SMCHD1: variants seen among roughly 807,000 people sequenced by gnomAD.
SMCHD1 encodes the protein structural maintenance of chromosomes flexible hinge domain containing 1.
In SMCHD1, 78 loss-of-function variants were observed where a neutral mutation model predicts 254.7. The observed-to-expected ratio is 0.31, with a 90% CI of 0.26 to 0.37. The LOEUF (loss-of-function observed/expected upper bound fraction) is 0.37. Ranked by LOEUF, SMCHD1 falls within the 10% of genes least tolerant of loss-of-function variation. The pLI is 1.00. For missense variants in SMCHD1, 1,840 were observed against 2,408.1 expected, an observed-to-expected ratio of 0.76 and a Z score of 4.94; for synonymous variants, 766 against 794.9, an observed-to-expected ratio of 0.96 and a Z score of 0.61.
rs2075950490 is a variant in SMCHD1 at position 2,770,089 on chromosome 18, G to A, written c.4947G>A (p.Gln1649=). ...MYKSLFEASQ[Q]LLNEMKCQVE... ...AAAGTTTATTTGAAGCCAGCCAACAGCTTCTTAATGAAATGAAATGTAAGT... is the reference window on the plus strand; with the variant it reads ...AAAGTTTATTTGAAGCCAGCCAACAACTTCTTAATGAAATGAAATGTAAGT... The change falls in exon 39 of 48, where the codon CAG becomes CAA. Residue 1649 remains glutamine (Q), a synonymous_variant. Coordinates refer to ENST00000320876, the MANE Select transcript of SMCHD1 (RefSeq NM_015295.3). The A allele has an allele frequency of 6.3e-7, 1 of 1,596,414 alleles. No homozygotes were observed. Among genetic ancestry groups the A allele is most frequent in the Admixed American group, 1.8e-5 (1 of 54,324 alleles).
At chr18:2,707,692 G>A in intron 16 of SMCHD1, 47 bp downstream of exon 16, 9 of 1,491,196 alleles carry the variant, frequency 6.0e-6, no homozygotes, top group Non-Finnish European at 8.3e-6. Context: ...CTTTTCTTTT[G>A]TCTTACATTT....
At chr18:2,778,347 T>G in intron 44 of SMCHD1, 108 bp downstream of exon 44, 1 of 715,998 alleles carries the variant, frequency 1.4e-6, no homozygotes, top group Non-Finnish European at 2.2e-6. Flanking sequence ...CCAATTTAAA[T>G]TCTGCAAATT....
At chr18:2,739,916 T>C (rs543320015) in intron 27 of SMCHD1, among the ~76,000 whole-genome samples, 2 of 146,054 alleles carry the variant, frequency 1.4e-5, no homozygotes, top group African/African-American at 5.0e-5. Flanking sequence ...GATACTGTAC[T>C]CCTAAAAAAA....
chr18:2,784,138 A>T (rs951488093), intron 44 of SMCHD1, among the ~76,000 whole-genome samples: 1 of 152,222 alleles, frequency 6.6e-6, no homozygotes, highest in Non-Finnish European at 1.5e-5. Flanking sequence ...CTTGATACTT[A>T]ACTGCCATGG....
intron 5 of SMCHD1, among the ~76,000 whole-genome samples, chr18:2,688,142 T>G (rs901813987): frequency 2.6e-5 from 4 of 152,230 alleles, no homozygotes; most frequent in Non-Finnish European, 5.9e-5. Context: ...CTGAGAGATT[T>G]TCTGATTTAG....
chr18:2,696,444 G>A (rs948702172), intron 8 of SMCHD1, among the ~76,000 whole-genome samples: 7 of 152,142 alleles, frequency 4.6e-5, no homozygotes, highest in African/African-American at 7.2e-5. Flanking sequence ...GAGATATTGC[G>A]TGCTCCTTAT....
intron 34 of SMCHD1, among the ~76,000 whole-genome samples, chr18:2,755,653 T>C (rs142154799): frequency 0.19 from 28,526 of 146,500 alleles, 3,001 homozygotes; most frequent in South Asian, 0.28. Context: ...CTGCAAGCTC[T>C]GCCTCCCGGG....
intron 17 of SMCHD1, among the ~76,000 whole-genome samples, chr18:2,717,103 G>T (rs2074817327): frequency 6.6e-6 from 1 of 152,174 alleles, no homozygotes; most frequent in African/African-American, 2.4e-5. Flanking sequence ...TTTCTGTGCA[G>T]CCCGCTGTGA....
rs778892054 is a variant in SMCHD1 at position 2,738,534 on chromosome 18, G to A, written c.3414G>A (p.Ala1138=). The change falls in exon 26 of 48, where the codon GCG becomes GCA. Residue 1138 remains alanine, a synonymous_variant. Coordinates refer to ENST00000320876, the MANE Select transcript of SMCHD1 (RefSeq NM_015295.3). The part of the protein sequence containing the change: ...FQDDHVSLES[A]FTVRPLPDEP... ...ATGATCATGTGTCTTTGGAAAGTGC[G>A]TTTACAGTAAGGTTTGTGGACTCAT... The A allele has an allele frequency of 5.6e-5, 90 of 1,611,220 alleles. No individual in the cohort carries two copies. Among genetic ancestry groups the A allele is most frequent in the Non-Finnish European group, 6.8e-5 (80 of 1,178,828 alleles).
chr18:2,709,910 A>G (rs955347745), intron 17 of SMCHD1, among the ~76,000 whole-genome samples: 5 of 152,174 alleles, frequency 3.3e-5, no homozygotes, highest in Non-Finnish European at 7.3e-5. Flanking sequence ...TTGACAAACA[A>G]TTAGTTTCTT....
chr18:2,682,995 TGG>T (rs1470201045), intron 5 of SMCHD1, among the ~76,000 whole-genome samples: 1 of 152,216 alleles, frequency 6.6e-6, no homozygotes, highest in Non-Finnish European at 1.5e-5. Flanking sequence ...TTGGTTTGCA[TGG>T]GTCATTTAAG....
At chr18:2,739,580 C>T (rs549791400) in intron 27 of SMCHD1, 60 bp downstream of exon 27, 2 of 1,355,572 alleles carry the variant, frequency 1.5e-6, no homozygotes, top group East Asian at 2.3e-5. Context: ...TGTTTCCTTC[C>T]ATGGATGTTT....
chr18:2,697,887 A>G lies in SMCHD1; in HGVS notation c.1188A>G (p.Gln396=). 6.2e-7 allele frequency: 1 copy of G among 1,613,756 alleles called. No homozygotes were observed. Among genetic ancestry groups the G allele is most frequent in the Non-Finnish European group, 8.5e-7 (1 of 1,179,750 alleles). ...AGATTGTCAACCTAAGGGAAATACA[A>G]GACGACATGCAGACGTTGTATGTAA... is the stretch of plus-strand genomic sequence containing the variant. ...VPKIVNLREI[Q]DDMQTLYVNT... is the part of the protein sequence containing the mutation. The change falls in exon 10 of 48, where the codon CAA becomes CAG. Residue 396 remains glutamine (Q), a synonymous_variant. Transcript: ENST00000320876.
chr18:2,705,682 A>T lies in SMCHD1; in HGVS notation c.1843-12A>T, dbSNP rs1469307896. On this transcript the variant is annotated splice_polypyrimidine_tract_variant and intron_variant, in intron 13 of 47. Coordinates refer to ENST00000320876, the MANE Select transcript of SMCHD1 (RefSeq NM_015295.3). Reference sequence around the variant, plus strand: ...ACTGAAGCTTTTTTTTTTTTTAAAAACTAAATATTAGGTCAAGACAATCAA... The same window carrying T: ...ACTGAAGCTTTTTTTTTTTTTAAAATCTAAATATTAGGTCAAGACAATCAA... 1.6e-5 allele frequency: 21 copies of T among 1,325,688 alleles called. No homozygotes were observed. The highest frequency in any genetic ancestry group is 2.1e-5 in the Non-Finnish European group (20 of 961,300). The allele number at this position is 1,325,688 out of a possible 1,614,324, so 82.1% of individuals were successfully genotyped here. A position where few individuals can be genotyped will look rare whatever the true frequency, so the allele number is the denominator to read the frequency against.
In SMCHD1 at chr18:2,728,330, A is replaced by G. The variant is rs11876511; in HGVS notation, c.2774-127A>G. ...AACTGATTAAGCATGGACATTGCCT[A>G]TATTTTTCTTTCTTGGCAATATTTA... On this transcript the variant is annotated intron_variant, in intron 22 of 47. Coordinates refer to ENST00000320876, the MANE Select transcript of SMCHD1 (RefSeq NM_015295.3). The G allele has an allele frequency of 0.013, 11,590 of 909,026 alleles. 872 individuals are homozygous for G. In the African/African-American group the frequency reaches 0.17, roughly 13 times the overall value. 56.3% of individuals were successfully genotyped at this position (909,026 alleles called of 1,614,324 possible).
At chr18:2,695,644 G>A (rs1373851111) in intron 8 of SMCHD1, among the ~76,000 whole-genome samples, 1 of 151,924 alleles carries the variant, frequency 6.6e-6, no homozygotes, top group Non-Finnish European at 1.5e-5. Context: ...TGATACATAC[G>A]ATTTACTGTA....
At chr18:2,711,718 G>A (rs1208427692) in intron 17 of SMCHD1, among the ~76,000 whole-genome samples, 3 of 151,750 alleles carry the variant, frequency 2.0e-5, no homozygotes, top group Non-Finnish European at 2.9e-5. Flanking sequence ...TCCTGACCTC[G>A]TGATCCGCCC....
chr18:2,699,851 G>A (rs2074363516), intron 10 of SMCHD1, among the ~76,000 whole-genome samples: 3 of 152,188 alleles, frequency 2.0e-5, no homozygotes, highest in African/African-American at 7.2e-5. Context: ...AGAAGGTTTT[G>A]TTTTAGGTGG....
intron 24 of SMCHD1, 86 bp from the exon 25 acceptor site, chr18:2,732,179 T>G (rs1309052985): frequency 1.0e-6 from 1 of 971,518 alleles, no homozygotes; most frequent in Admixed American, 2.3e-5. Context: ...TGAGATGGTC[T>G]TCCATAATAT....
Sources: allele counts gnomAD v4.1 joint callset (sites outside exome capture counted in the v4.1 genomes callset), GRCh38; gene constraint gnomAD v4.1.1; transcripts MANE v1.5; gene names NCBI Gene and HGNC (gene_info 2026-07-23, HGNC 2026-07-21).